Variants in TTF2 observed in about 807,000 individuals in gnomAD.
TTF2 encodes transcription termination factor 2, also known as RNA polymerase II termination factor.
Under a neutral mutation model 142.4 loss-of-function variants are expected in TTF2, and 108 were observed. The ratio of observed to expected loss-of-function variants is 0.76; its 90% CI spans 0.65 to 0.89. The LOEUF (loss-of-function observed/expected upper bound fraction) is 0.89. TTF2 is among the 40% of genes least tolerant of loss of function. The pLI is 0.00. For synonymous variants in TTF2, 483 were observed against 506.2 expected (o/e 0.95, Z 0.61); for missense variants, 1,327 against 1,379.8 (o/e 0.96, Z 0.61).
chr1:117,095,690 T>C (rs1033719973), intron 19 of TTF2, among the ~76,000 whole-genome samples: 2 of 152,212 alleles, frequency 1.3e-5, no homozygotes, highest in African/African-American at 2.4e-5. Context: ...TCATTTGTTA[T>C]ACCTGACATA....
intron 7 of TTF2, among the ~76,000 whole-genome samples, chr1:117,077,190 T>TA (rs995496828): frequency 6.6e-6 from 1 of 152,042 alleles, no homozygotes; most frequent in Non-Finnish European, 1.5e-5. Context: ...TCTTGCAACA[T>TA]ACGCCCTGTG....
At position 117,090,606 on chromosome 1, in the gene TTF2, G is replaced by A. The variant is rs752508018; in HGVS notation, c.2571G>A (p.Val857=). The part of the protein sequence containing the change: ...LSEDEETVYN[V]FFARSRSALQ... ...AAGATGAAGAGACTGTTTACAATGTGTTTTTTGCAAGATCAAGGTGTGTGT... is the reference window on the plus strand; with the variant it reads ...AAGATGAAGAGACTGTTTACAATGTATTTTTTGCAAGATCAAGGTGTGTGT... The change falls in exon 15 of 23, where the codon GTG becomes GTA. Residue 857 remains valine (V), a synonymous_variant. Transcript: ENST00000369466. The surrounding 1 kb of genome is among the most constrained non-coding windows in gnomAD (Gnocchi z 4.8). 1 of 1,613,858 alleles carries A rather than the reference G, an allele frequency of 6.2e-7. No individual in the cohort carries two copies. Among genetic ancestry groups the A allele is most frequent in the Non-Finnish European group, 8.5e-7 (1 of 1,179,932 alleles).
At chr1:117,088,683 T>C in intron 12 of TTF2, 118 bp from the exon 13 acceptor site, 3 of 1,126,468 alleles carry the variant, frequency 2.7e-6, no homozygotes, top group Non-Finnish European at 3.8e-6. Context: ...GTACCTGAGC[T>C]AAGCAAATTT....
intron 20 of TTF2, 152 bp downstream of exon 20, chr1:117,096,451 C>T (rs1264335345): frequency 5.3e-6 from 5 of 946,220 alleles, no homozygotes; most frequent in Non-Finnish European, 7.7e-6. Flanking sequence ...TATCTTGGCT[C>T]ACCGCAACCT....
Position 117,091,368 on chromosome 1 carries a change from G to T in TTF2, c.2629G>T (p.Gly877Cys), listed in dbSNP as rs764082725. 4 of 1,613,398 alleles carry T rather than the reference G, an allele frequency of 2.5e-6. No homozygotes were observed. In the African/African-American group the frequency reaches 4.0e-5, roughly 16 times the overall value. ...QSYLKRHESRGNQSGRSPNNP... is the reference protein window; with the variant it reads ...QSYLKRHESRCNQSGRSPNNP... ...CTATCTAAAAAGACATGAAAGTAGA[G>T]GCAACCAATCTGGAAGAAGCCCTAA... is the stretch of plus-strand genomic sequence containing the variant. The change falls in exon 16 of 23, where the codon GGC becomes TGC. Residue 877 changes from glycine (G) to cysteine (C), a missense_variant. Physicochemically the swap from Gly to Cys is radical, Grantham distance 159 (BLOSUM62 -3). Coordinates refer to ENST00000369466, the MANE Select transcript of TTF2 (RefSeq NM_003594.4).
intron 12 of TTF2, among the ~76,000 whole-genome samples, chr1:117,088,469 G>A (rs1457234956): frequency 2.0e-5 from 3 of 152,056 alleles, no homozygotes; most frequent in Admixed American, 1.3e-4. Context: ...GCCCGGAGGC[G>A]GAGCTTGCAG....
rs768472672 is a variant in TTF2 at position 117,074,934 on chromosome 1, A to T, written c.350A>T (p.His117Leu). 4 of 1,613,544 alleles carry T rather than the reference A, an allele frequency of 2.5e-6. No homozygotes were observed. The African/African-American group carries it at 5.3e-5, about 22-fold the overall frequency. Residue 117 changes from histidine (H) to leucine (L), a missense_variant, in exon 5 of 23, where the codon CAT becomes CTT. Coordinates refer to ENST00000369466, the MANE Select transcript of TTF2 (RefSeq NM_003594.4). ...KSQHASETFH[H>L]SSNWLRNPFK... ...CAGCATGCATCTGAGACATTTCATC[A>T]TTCTTCCAACTGGCTGAGAAATCCA...
Position 117,076,203 on chromosome 1 carries a change from C to A in TTF2, c.1299C>A (p.Ile433=). Residue 433 remains isoleucine (I), a synonymous_variant, in exon 6 of 23, where the codon ATC becomes ATA. Transcript: ENST00000369466. The surrounding 1 kb of genome is among the most constrained non-coding windows in gnomAD (Gnocchi z 4.6). ...AGAGCACACTGGCATCAGTGAACAT[C>A]CAGGCTCTTCCAGACAAGGGTCAGA... is the stretch of plus-strand genomic sequence containing the variant. ...QKKSTLASVN[I]QALPDKGQKL... The A allele has an allele frequency of 6.2e-7, 1 of 1,613,954 alleles. No homozygotes were observed. The highest frequency in any genetic ancestry group is 8.5e-7 in the Non-Finnish European group (1 of 1,179,864).
At chr1:117,077,196 C>G (rs1193835265) in intron 7 of TTF2, among the ~76,000 whole-genome samples, 1 of 152,060 alleles carries the variant, frequency 6.6e-6, no homozygotes, top group African/African-American at 2.4e-5. Context: ...AACATACGCC[C>G]TGTGGATAAG....
chr1:117,065,439 A>G (rs1266993496), intron 3 of TTF2, among the ~76,000 whole-genome samples: 3 of 152,196 alleles, frequency 2.0e-5, no homozygotes, highest in Non-Finnish European at 4.4e-5. Context: ...TCTACTAAAA[A>G]TACTAAAAAT....
rs116064890 is a variant in TTF2 at position 117,084,193 on chromosome 1, G to A, written c.2054+25G>A. 6.8e-4 allele frequency: 1,105 copies of A among 1,613,422 alleles called. 4 individuals carry two copies. The African/African-American group carries it at 0.012, about 18-fold the overall frequency. On this transcript the variant is annotated intron_variant, in intron 11 of 22. Transcript: ENST00000369466. ...TGTAAGTGCAGGAATACGCAGTTGT[G>A]GGGGCGTTCAGCACCTCTGCCCAAG... is the stretch of plus-strand genomic sequence containing the variant.
At chr1:117,069,075 C>G (rs905847788) in intron 3 of TTF2, among the ~76,000 whole-genome samples, 1 of 152,188 alleles carries the variant, frequency 6.6e-6, no homozygotes, top group African/African-American at 2.4e-5. Context: ...ATATTCATAT[C>G]TGTTTTTTTT....
chr1:117,090,270 C>T lies in TTF2; in HGVS notation c.2496+62C>T. On this transcript the variant is annotated intron_variant, in intron 14 of 22. Transcript: ENST00000369466. This position sits in a 1 kb window ranked among gnomAD's most constrained non-coding sequence, Gnocchi z 4.8. Reference sequence around the variant, plus strand: ...GGAAGGAACATGACTGTGTCCTTGTCTTGGGTTGAACAGCCATCTGCTTTG... The same window carrying T: ...GGAAGGAACATGACTGTGTCCTTGTTTTGGGTTGAACAGCCATCTGCTTTG... 6.4e-7 allele frequency: 1 copy of T among 1,572,272 alleles called. No homozygotes were observed. The highest frequency in any genetic ancestry group is 8.6e-7 in the Non-Finnish European group (1 of 1,160,632).
rs1648821789 is a variant in TTF2, at chr1:117,093,739, C to T, written c.2976+838C>T. Among the ~76,000 whole-genome samples, 3 of 152,202 alleles carry T rather than the reference C, an allele frequency of 2.0e-5. No homozygotes were observed. Among genetic ancestry groups the T allele is most frequent in the Admixed American group, 2.0e-4 (3 of 15,276 alleles). ...GTGGCCAGAACACACATGCTAGTGC[C>T]TTCAGAGTGAGCTATTGGGCTAAAA... On this transcript the variant is annotated intron_variant, in intron 18 of 22. Coordinates refer to ENST00000369466, the MANE Select transcript of TTF2 (RefSeq NM_003594.4). This position sits in a 1 kb window ranked among gnomAD's most constrained non-coding sequence, Gnocchi z 4.5.
rs902035303 is a variant in TTF2 at position 117,073,058 on chromosome 1, T to A, written c.219-603T>A. On this transcript the variant is annotated intron_variant, in intron 3 of 22. Transcript: ENST00000369466. The surrounding 1 kb of genome is among the most constrained non-coding windows in gnomAD (Gnocchi z 4.4). Reference sequence around the variant, plus strand: ...AATTGATTAATATGTCTTTTAAGTCTCTGAAGTTTTCCCTTCATCTTTTTT... The same window carrying A: ...AATTGATTAATATGTCTTTTAAGTCACTGAAGTTTTCCCTTCATCTTTTTT... 6.6e-6 allele frequency among the ~76,000 whole-genome samples: 1 copy of A among 152,272 alleles called. No individual in the cohort carries two copies. The highest frequency in any genetic ancestry group is 1.5e-5 in the Non-Finnish European group (1 of 68,044).
rs763808083 is a variant in TTF2, at chr1:117,060,575, C to A, written c.131+18C>A. The A allele has an allele frequency of 6.3e-7, 1 of 1,583,928 alleles. No individual in the cohort carries two copies. The highest frequency in any genetic ancestry group is 1.9e-4 in the Middle Eastern group (1 of 5,186). ...GCCACCGAGTAGGTCTGGAGCTGGG[C>A]CCCACTCCCTGTGGCTGCCCGGGGC... On this transcript the variant is annotated intron_variant, in intron 2 of 22. Coordinates refer to ENST00000369466, the MANE Select transcript of TTF2 (RefSeq NM_003594.4).
At chr1:117,082,041 C>A in intron 10 of TTF2, 94 bp downstream of exon 10, 2 of 1,568,734 alleles carry the variant, frequency 1.3e-6, no homozygotes, top group South Asian at 2.2e-5. Context: ...CACCTTTGGT[C>A]ATATTTAATT....
At chr1:117,091,468 A>C in intron 16 of TTF2, 58 bp downstream of exon 16, 1 of 1,514,330 alleles carries the variant, frequency 6.6e-7, no homozygotes, top group South Asian at 1.2e-5. Flanking sequence ...ATTTGGATTC[A>C]GTAAAACACA....
rs770706093 is a variant in TTF2 at position 117,076,266 on chromosome 1, C to T, written c.1362C>T (p.Leu454=). The change falls in exon 6 of 23, where the codon CTC becomes CTT. Residue 454 remains leucine, a synonymous_variant. Transcript: ENST00000369466. This position sits in a 1 kb window ranked among gnomAD's most constrained non-coding sequence, Gnocchi z 4.6. ...IKQIQELEEV[L]SGLTLSPEQG... The stretch of plus-strand genomic sequence containing the variant: ...AAATCCAGGAGCTGGAGGAAGTACT[C>T]AGTGGTCTTACCCTTTCCCCAGAGC... The T allele has an allele frequency of 6.2e-7, 1 of 1,613,972 alleles. No individual in the cohort carries two copies. Among genetic ancestry groups the T allele is most frequent in the South Asian group, 1.1e-5 (1 of 91,062 alleles).
Sources: allele counts gnomAD v4.1 joint callset (sites outside exome capture counted in the v4.1 genomes callset), GRCh38; gene constraint gnomAD v4.1.1; non-coding constraint Gnocchi (gnomAD v3.1); transcripts MANE v1.5; gene names NCBI Gene and HGNC (gene_info 2026-07-23, HGNC 2026-07-21).